Variants in CA10 observed in about 807,000 individuals in gnomAD.
CA10 encodes carbonic anhydrase-related protein 10.
CA10 carries 14 observed loss-of-function variants against 44.2 expected under a neutral mutation model. That is an observed-to-expected ratio of 0.32 (90% CI 0.21 to 0.50). The LOEUF (loss-of-function observed/expected upper bound fraction) is 0.50. Among genes scored for constraint, CA10 ranks in the 20% least tolerant of loss-of-function variants. CA10 has a pLI of 0.99. For missense variants in CA10, 350 were observed against 409.7 expected (o/e 0.85, Z 1.26); for synonymous variants, 159 against 141.6 (o/e 1.12, Z -0.87).
chr17:52,115,431 C>A (rs1424832925), intron 1 of CA10, among the ~76,000 whole-genome samples: 1 of 152,086 alleles, frequency 6.6e-6, no homozygotes, highest in Non-Finnish European at 1.5e-5. Context: ...TTGGAGCCTT[C>A]TTGTTCTCAG....
At chr17:51,966,897 C>T (rs766266517) in intron 2 of CA10, among the ~76,000 whole-genome samples, 9 of 151,586 alleles carry the variant, frequency 5.9e-5, no homozygotes, top group East Asian at 1.9e-4. Flanking sequence ...TTCTGTACAG[C>T]GAAAGAAACT....
chr17:52,054,824 G>A (rs879679522), intron 2 of CA10, among the ~76,000 whole-genome samples: 3 of 151,928 alleles, frequency 2.0e-5, no homozygotes, highest in East Asian at 1.9e-4. Flanking sequence ...AGACCCATGT[G>A]TTGCAAAAAC....
intron 3 of CA10, among the ~76,000 whole-genome samples, chr17:51,771,848 A>T (rs4794304): frequency 6.6e-6 from 1 of 152,000 alleles, no homozygotes; most frequent in African/African-American, 2.4e-5. Flanking sequence ...GCTCTTTACC[A>T]TTTTACAGAG....
intron 3 of CA10, among the ~76,000 whole-genome samples, chr17:51,870,498 ATGT>A (rs1274212682): frequency 6.6e-6 from 1 of 152,264 alleles, no homozygotes; most frequent in African/African-American, 2.4e-5. Flanking sequence ...AATGGATGTG[ATGT>A]TGTTGAGAAT....
intron 1 of CA10, among the ~76,000 whole-genome samples, chr17:52,109,457 T>C (rs954157520): frequency 1.3e-5 from 2 of 152,186 alleles, no homozygotes; most frequent in African/African-American, 4.8e-5. Flanking sequence ...AGAGTTCTAT[T>C]CAGTGTGAGT....
At chr17:51,791,419 G>C (rs1431309749) in intron 3 of CA10, among the ~76,000 whole-genome samples, 2 of 152,176 alleles carry the variant, frequency 1.3e-5, no homozygotes, top group African/African-American at 4.8e-5. Context: ...GGAATGCAGA[G>C]TGCCTGGTGC....
chr17:51,818,672 T>A (rs1907659140), intron 3 of CA10, among the ~76,000 whole-genome samples: 1 of 152,198 alleles, frequency 6.6e-6, no homozygotes, highest in Non-Finnish European at 1.5e-5. Context: ...TGTGTTCCTT[T>A]TCTTTCAGGG....
At chr17:51,718,123 T>G (rs1916231492) in intron 4 of CA10, among the ~76,000 whole-genome samples, 1 of 151,250 alleles carries the variant, frequency 6.6e-6, no homozygotes, top group African/African-American at 2.4e-5. Flanking sequence ...CAGTGTATAC[T>G]GCTCAGGTGA....
At chr17:51,688,447 C>T (rs576104272) in intron 4 of CA10, among the ~76,000 whole-genome samples, 4 of 152,264 alleles carry the variant, frequency 2.6e-5, no homozygotes, top group East Asian at 1.9e-4. Context: ...ACGGTTTGCA[C>T]GACTGGCTAG....
At chr17:51,745,714 G>A (rs1203359218) in intron 4 of CA10, among the ~76,000 whole-genome samples, 1 of 152,130 alleles carries the variant, frequency 6.6e-6, no homozygotes, top group Non-Finnish European at 1.5e-5. Flanking sequence ...ATAATACAAT[G>A]TAAAGATTTT....
intron 3 of CA10, among the ~76,000 whole-genome samples, chr17:51,823,669 T>C (rs1163500257): frequency 6.6e-6 from 1 of 152,186 alleles, no homozygotes; most frequent in African/African-American, 2.4e-5. Flanking sequence ...CTCTTAAGAC[T>C]TGAACACTGT....
chr17:51,840,508 C>T (rs1485502904), intron 3 of CA10, among the ~76,000 whole-genome samples: 1 of 147,752 alleles, frequency 6.8e-6, no homozygotes, highest in African/African-American at 2.5e-5. Flanking sequence ...CACACACACA[C>T]ACACACACGT....
In CA10 at chr17:51,630,335, A is replaced by G. The variant is rs1912509313; in HGVS notation, c.*1249T>C. 6.6e-6 allele frequency: 1 copy of G among 152,630 alleles called. No homozygotes were observed. Among genetic ancestry groups the G allele is most frequent in the Non-Finnish European group, 1.5e-5 (1 of 68,044 alleles). The allele number at this position is 152,630 out of a possible 1,614,324, so 9.5% of individuals were successfully genotyped here. On this transcript the variant is annotated 3_prime_UTR_variant, in exon 9 of 9. Transcript: ENST00000451037. ...GGGTACTGGGTAACTTGTTAAACAC[A>G]TTTATTGATTTCTTGACAGTAACCA...
chr17:52,010,177 T>C (rs2144133787), intron 2 of CA10, among the ~76,000 whole-genome samples: 1 of 152,140 alleles, frequency 6.6e-6, no homozygotes, highest in Middle Eastern at 3.4e-3. Flanking sequence ...ACAACCACTA[T>C]GGAAAACAGT....
intron 1 of CA10, among the ~76,000 whole-genome samples, chr17:52,112,539 C>T (rs1158976682): frequency 6.6e-6 from 1 of 152,188 alleles, no homozygotes; most frequent in East Asian, 1.9e-4. Flanking sequence ...TCTTGCTCTA[C>T]AGCCAAACTC....
chr17:51,782,287 C>T (rs1395622919), intron 3 of CA10, among the ~76,000 whole-genome samples: 1 of 152,216 alleles, frequency 6.6e-6, no homozygotes, highest in Non-Finnish European at 1.5e-5. Context: ...TGTTTATATG[C>T]TAAGCAGCAT....
intron 1 of CA10, chr17:52,135,060 T>C (rs1217422360): frequency 8.5e-6 from 4 of 470,164 alleles, no homozygotes; most frequent in Non-Finnish European, 1.7e-5. Context: ...CTGTGAGAAA[T>C]AAAAATGGAA....
At chr17:51,642,551 G>T (rs776032987) in intron 6 of CA10, among the ~76,000 whole-genome samples, 1 of 152,208 alleles carries the variant, frequency 6.6e-6, no homozygotes, top group Non-Finnish European at 1.5e-5. Context: ...GTGTCAAAGC[G>T]CTGAATCTGA....
intron 6 of CA10, among the ~76,000 whole-genome samples, chr17:51,643,750 C>A (rs1464099370): frequency 6.6e-6 from 1 of 152,200 alleles, no homozygotes; most frequent in Non-Finnish European, 1.5e-5. Context: ...CCTGCCTCCT[C>A]CCCTGAGGGA....
Sources: allele counts gnomAD v4.1 joint callset (sites outside exome capture counted in the v4.1 genomes callset), GRCh38; gene constraint gnomAD v4.1.1; transcripts MANE v1.5; gene names NCBI Gene and HGNC (gene_info 2026-07-23, HGNC 2026-07-21).